The following CCDC192 variants were observed in gnomAD, a reference collection of about 807,000 sequenced individuals.
CCDC192 encodes the protein coiled-coil domain-containing protein 192.
At chr5:127,791,883 C>T (rs1756884912) in intron 3 of CCDC192, among the ~76,000 whole-genome samples, 1 of 152,160 alleles carries the variant, frequency 6.6e-6, no homozygotes, top group Non-Finnish European at 1.5e-5. Context: ...GCCCAGAGAG[C>T]AAATTCCAGA....
chr5:127,780,763 C>T (rs1756166452), intron 3 of CCDC192, among the ~76,000 whole-genome samples: 1 of 152,262 alleles, frequency 6.6e-6, no homozygotes, highest in South Asian at 2.1e-4. Context: ...TTTTCTCCCA[C>T]TCTGTGGATT....
intron 2 of CCDC192, among the ~76,000 whole-genome samples, chr5:127,724,650 A>T (rs1490768168): frequency 6.6e-6 from 1 of 152,148 alleles, no homozygotes; most frequent in Non-Finnish European, 1.5e-5. Context: ...ACAGATCAAG[A>T]TCATCCTGGC....
intron 2 of CCDC192, among the ~76,000 whole-genome samples, chr5:127,747,559 A>C (rs1753848109): frequency 6.6e-6 from 1 of 151,926 alleles, no homozygotes; most frequent in African/African-American, 2.4e-5. Flanking sequence ...TAATGCCGCA[A>C]TAAACATACG....
At chr5:127,732,168 A>T (rs1302542974) in intron 2 of CCDC192, among the ~76,000 whole-genome samples, 1 of 151,676 alleles carries the variant, frequency 6.6e-6, no homozygotes, top group Non-Finnish European at 1.5e-5. Flanking sequence ...AAAAACCATT[A>T]AAAAGTGGGC....
At chr5:127,777,884 T>C (rs1169455005) in intron 3 of CCDC192, among the ~76,000 whole-genome samples, 2 of 151,842 alleles carry the variant, frequency 1.3e-5, no homozygotes, top group Non-Finnish European at 2.9e-5. Context: ...GAACTGTGAG[T>C]ACATGAAACC....
intron 6 of CCDC192, among the ~76,000 whole-genome samples, chr5:127,922,413 A>T (rs1484200829): frequency 6.6e-6 from 1 of 152,144 alleles, no homozygotes; most frequent in Non-Finnish European, 1.5e-5. Context: ...TTCTGTTATA[A>T]ATCGCAATGC....
At chr5:127,901,958 A>C (rs1262735398) in intron 6 of CCDC192, among the ~76,000 whole-genome samples, 2 of 152,196 alleles carry the variant, frequency 1.3e-5, no homozygotes, top group African/African-American at 4.8e-5. Flanking sequence ...ATTGCTGAGG[A>C]ACACAAATCT....
chr5:127,744,907 C>T (rs558692715), intron 2 of CCDC192, among the ~76,000 whole-genome samples: 32 of 152,272 alleles, frequency 2.1e-4, no homozygotes, highest in Admixed American at 7.8e-4. Context: ...ACATTCTTGC[C>T]CTCATCTGCA....
At chr5:127,752,770 G>GT (rs1461365274) in intron 2 of CCDC192, among the ~76,000 whole-genome samples, 1 of 152,190 alleles carries the variant, frequency 6.6e-6, no homozygotes, top group African/African-American at 2.4e-5. Flanking sequence ...GCGAGACTCC[G>GT]TGGGCGTAGG....
At chr5:127,897,398 A>G (rs1248209397) in intron 6 of CCDC192, among the ~76,000 whole-genome samples, 2 of 152,168 alleles carry the variant, frequency 1.3e-5, no homozygotes, top group Non-Finnish European at 2.9e-5. Flanking sequence ...AGCACCAGAT[A>G]AAGGGAAAAG....
rs150250119 is a variant in CCDC192 at position 127,703,928 on chromosome 5, A to G, written c.62+421A>G. On this transcript the variant is annotated intron_variant, in intron 1 of 6. Coordinates refer to ENST00000514853, the MANE Select transcript of CCDC192 (RefSeq NM_001317938.2). ...CATTCCTCCTCTACATGTTCCCCAC[A>G]TAAAAACCTAGATCAATGTTGGCTA... Among the ~76,000 whole-genome samples, 310 of 152,316 alleles carry G rather than the reference A, an allele frequency of 2.0e-3. 1 individual carries two copies. The highest frequency in any genetic ancestry group is 6.9e-3 in the African/African-American group (286 of 41,568).
chr5:127,898,814 TAAATCC>T (rs1439781383), intron 6 of CCDC192, among the ~76,000 whole-genome samples: 4 of 152,110 alleles, frequency 2.6e-5, no homozygotes, highest in African/African-American at 9.7e-5. Context: ...GGTTCAAGGG[TAAATCC>T]ATAGTAATTC....
At chr5:127,796,385 A>T (rs557480624) in intron 3 of CCDC192, among the ~76,000 whole-genome samples, 12 of 152,174 alleles carry the variant, frequency 7.9e-5, no homozygotes, top group Admixed American at 2.0e-4. Context: ...GTCCCTTTCC[A>T]GGGAGTCTTT....
At chr5:127,791,788 C>T (rs1406889995) in intron 3 of CCDC192, among the ~76,000 whole-genome samples, 2 of 152,154 alleles carry the variant, frequency 1.3e-5, no homozygotes, top group East Asian at 3.8e-4. Context: ...GTTAAATTCT[C>T]AGCAAAATAT....
chr5:127,803,639 T>C (rs1288487085), intron 5 of CCDC192, among the ~76,000 whole-genome samples: 1 of 152,182 alleles, frequency 6.6e-6, no homozygotes, highest in East Asian at 1.9e-4. Flanking sequence ...GTTCACTCCT[T>C]CGTGGATGAC....
intron 5 of CCDC192, among the ~76,000 whole-genome samples, chr5:127,814,900 A>C (rs1217301006): frequency 6.6e-6 from 1 of 152,200 alleles, no homozygotes; most frequent in Non-Finnish European, 1.5e-5. Flanking sequence ...CAACATCTTC[A>C]GTATGGCGAA....
chr5:127,903,127 G>A (rs978475211), intron 6 of CCDC192, among the ~76,000 whole-genome samples: 2 of 152,032 alleles, frequency 1.3e-5, no homozygotes, highest in African/African-American at 4.8e-5. Context: ...CTGTAAAGAG[G>A]CAGACACCAG....
intron 2 of CCDC192, among the ~76,000 whole-genome samples, chr5:127,745,830 G>A (rs1441109038): frequency 1.3e-5 from 2 of 152,118 alleles, no homozygotes; most frequent in South Asian, 2.1e-4. Flanking sequence ...GTGTCCACAC[G>A]TACCTGGAAG....
chr5:127,725,840 A>G (rs900137832), intron 2 of CCDC192, among the ~76,000 whole-genome samples: 1 of 152,232 alleles, frequency 6.6e-6, no homozygotes, highest in African/African-American at 2.4e-5. Context: ...CAACATACAC[A>G]TGGCGTCTCC....
Sources: gnomAD v4.1 joint callset for allele counts (sites outside exome capture counted in the v4.1 genomes callset) on GRCh38, gnomAD v4.1.1 for gene constraint, MANE v1.5 for transcripts, NCBI Gene and HGNC (gene_info 2026-07-23, HGNC 2026-07-21) for gene names.